Variants in GRIA2 observed in about 807,000 individuals in gnomAD.
The protein encoded by GRIA2 is glutamate receptor 2.
In GRIA2, 14 loss-of-function variants were observed where a neutral mutation model predicts 97.3. The ratio of observed to expected loss-of-function variants is 0.14; its 90% CI spans 0.10 to 0.23. The LOEUF (loss-of-function observed/expected upper bound fraction) is 0.23, where lower values mean the gene tolerates loss of function less well. Among genes scored for constraint, GRIA2 ranks in the 10% least tolerant of loss-of-function variants. GRIA2 has a pLI of 1.00. For missense variants in GRIA2, 558 were observed against 1,069.8 expected (o/e 0.52, Z 6.67); for synonymous variants, 412 against 387.8 (o/e 1.06, Z -0.73).
chr4:157,320,871 C>T (rs1734530399), intron 5 of GRIA2, among the ~76,000 whole-genome samples: 1 of 151,942 alleles, frequency 6.6e-6, no homozygotes, highest in South Asian at 2.1e-4. Context: ...TGCAATAACA[C>T]AAGATAAATT....
intron 12 of GRIA2, among the ~76,000 whole-genome samples, chr4:157,354,961 T>C (rs1162421349): frequency 6.6e-6 from 1 of 152,178 alleles, no homozygotes; most frequent in African/African-American, 2.4e-5. Flanking sequence ...GGAGTTTAAT[T>C]CTAACTGTGC....
chr4:157,270,972 G>A (rs1214739528), intron 2 of GRIA2, among the ~76,000 whole-genome samples: 1 of 147,952 alleles, frequency 6.8e-6, no homozygotes, highest in Non-Finnish European at 1.5e-5. Context: ...TTATTTCTAT[G>A]AGTTTGTTTA....
intron 4 of GRIA2, among the ~76,000 whole-genome samples, chr4:157,313,426 T>G (rs1472196572): frequency 1.3e-5 from 2 of 152,134 alleles, no homozygotes; most frequent in Admixed American, 1.3e-4. Flanking sequence ...TTGGGCTGTG[T>G]TTGCTATTTG....
Position 157,274,132 on chromosome 4 carries a change from T to G in GRIA2, c.230-29420T>G, listed in dbSNP as rs150177265. Among the ~76,000 whole-genome samples, 410 of 150,290 alleles carry G rather than the reference T, an allele frequency of 2.7e-3. 4 individuals are homozygous for G. The highest frequency in any genetic ancestry group is 9.4e-3 in the African/African-American group (386 of 40,928). ...TTTATGTATTCTGCCAAATTATCATTTAGTAGTGAAGAGGAAATACATATT... is the reference window on the plus strand; with the variant it reads ...TTTATGTATTCTGCCAAATTATCATGTAGTAGTGAAGAGGAAATACATATT... On this transcript the variant is annotated intron_variant, in intron 2 of 15. Transcript: ENST00000264426.
chr4:157,292,683 A>T (rs1473351898), intron 2 of GRIA2, among the ~76,000 whole-genome samples: 1 of 152,108 alleles, frequency 6.6e-6, no homozygotes, highest in African/African-American at 2.4e-5. Context: ...GGAATAGATG[A>T]TTAATAGAGG....
intron 12 of GRIA2, among the ~76,000 whole-genome samples, chr4:157,345,682 AATT>A (rs1035267498): frequency 6.6e-6 from 1 of 152,118 alleles, no homozygotes; most frequent in African/African-American, 2.4e-5. Context: ...CACAAAGCAC[AATT>A]ATTAACTTGC....
chr4:157,245,322 A>G (rs1434312534), intron 2 of GRIA2, among the ~76,000 whole-genome samples: 1 of 152,016 alleles, frequency 6.6e-6, no homozygotes, highest in Non-Finnish European at 1.5e-5. Context: ...AATGAACTCT[A>G]CCTTGCTTGT....
chr4:157,310,054 G>T (rs1046910001), intron 3 of GRIA2, among the ~76,000 whole-genome samples: 1 of 152,134 alleles, frequency 6.6e-6, no homozygotes, highest in Admixed American at 6.6e-5. Context: ...TCTCTTACTT[G>T]CAGAGAAAAG....
intron 4 of GRIA2, among the ~76,000 whole-genome samples, chr4:157,313,509 C>G (rs1734177665): frequency 6.6e-6 from 1 of 152,084 alleles, no homozygotes; most frequent in African/African-American, 2.4e-5. Context: ...ATATTTTTAT[C>G]TGTGCTTAGA....
intron 2 of GRIA2, among the ~76,000 whole-genome samples, chr4:157,224,557 G>T (rs1293215175): frequency 6.6e-6 from 1 of 152,028 alleles, no homozygotes; most frequent in Non-Finnish European, 1.5e-5. Context: ...TTTGTGCTAT[G>T]GACAATAGAA....
chr4:157,222,814 A>G (rs576124008), intron 2 of GRIA2, among the ~76,000 whole-genome samples: 1 of 152,286 alleles, frequency 6.6e-6, no homozygotes, highest in Admixed American at 6.5e-5. Context: ...AAACCAAACA[A>G]TTAGGGATCT....
intron 2 of GRIA2, among the ~76,000 whole-genome samples, chr4:157,237,113 G>A (rs1384091673): frequency 6.6e-6 from 1 of 151,854 alleles, no homozygotes; most frequent in Non-Finnish European, 1.5e-5. Flanking sequence ...AAAACTGCCT[G>A]TGCTTTAATA....
At chr4:157,332,498 A>C in intron 6 of GRIA2, among the ~76,000 whole-genome samples, 1 of 151,072 alleles carries the variant, frequency 6.6e-6, no homozygotes, top group Non-Finnish European at 1.5e-5. Context: ...AGCAGGCTAT[A>C]AAGTGAGGCT....
intron 4 of GRIA2, among the ~76,000 whole-genome samples, chr4:157,313,811 C>T (rs997915741): frequency 4.0e-5 from 6 of 151,784 alleles, no homozygotes; most frequent in Middle Eastern, 3.2e-3. Context: ...ATACAGTTGA[C>T]CCTACCAATA....
At chr4:157,243,388 C>A (rs540850137) in intron 2 of GRIA2, among the ~76,000 whole-genome samples, 115 of 152,152 alleles carry the variant, frequency 7.6e-4, no homozygotes, top group Middle Eastern at 3.4e-3. Flanking sequence ...GATGAAAAAG[C>A]AGCTTGGATT....
At chr4:157,324,954 C>T (rs1579364626) in intron 6 of GRIA2, among the ~76,000 whole-genome samples, 1 of 152,134 alleles carries the variant, frequency 6.6e-6, no homozygotes, top group Non-Finnish European at 1.5e-5. Context: ...TTTGGGTGAT[C>T]GACTGAATTG....
intron 2 of GRIA2, among the ~76,000 whole-genome samples, chr4:157,225,261 T>C (rs2126677876): frequency 6.6e-6 from 1 of 152,164 alleles, no homozygotes; most frequent in South Asian, 2.1e-4. Context: ...ACCTATTTTG[T>C]TCCATTTGTT....
At chr4:157,353,453 G>C (rs1000807893) in intron 12 of GRIA2, among the ~76,000 whole-genome samples, 2 of 152,016 alleles carry the variant, frequency 1.3e-5, no homozygotes, top group African/African-American at 4.8e-5. Flanking sequence ...GGCGGACAAC[G>C]AGGTCAGGAG....
intron 2 of GRIA2, among the ~76,000 whole-genome samples, chr4:157,253,303 G>T (rs538878109): frequency 1.3e-5 from 2 of 151,954 alleles, no homozygotes; most frequent in African/African-American, 2.4e-5. Context: ...TTTTGGTAGA[G>T]ACAGGGTTTT....
Sources: gnomAD v4.1 joint callset for allele counts (sites outside exome capture counted in the v4.1 genomes callset) on GRCh38, gnomAD v4.1.1 for gene constraint, MANE v1.5 for transcripts, NCBI Gene and HGNC (gene_info 2026-07-23, HGNC 2026-07-21) for gene names.